The following OPA3 variants were observed in gnomAD, a reference collection of about 807,000 sequenced individuals.
OPA3 encodes optic atrophy 3 protein.
Under a neutral mutation model 4.0 loss-of-function variants are expected in OPA3, and 6 were observed. That is an observed-to-expected ratio of 1.51 (90% CI 0.83 to 2.99). The LOEUF is 2.99. OPA3 is among the 30% of genes most tolerant of loss of function. The probability of loss-of-function intolerance (pLI) is 0.00; values close to 1 mark genes in which losing one functional copy is unlikely to be tolerated. For missense variants in OPA3, 235 were observed against 256.2 expected (o/e 0.92, Z 0.56); for synonymous variants, 105 against 117.1 (o/e 0.90, Z 0.67).
intron 1 of OPA3, among the ~76,000 whole-genome samples, chr19:45,580,001 C>CTTTTTTTTTTTTT (rs57357578): frequency 8.7e-6 from 1 of 114,884 alleles, no homozygotes; most frequent in Admixed American, 8.7e-5. Context: ...TTTTTTTTTT[C>CTTTTTTTTTTTTT]TTTTTTTTTT....
rs1186341968 is a variant in OPA3, at chr19:45,553,606, C to A, written c.448G>T (p.Glu150Ter). Residue 150 changes from glutamate (E) to a stop codon, truncating the protein, a stop_gained, in exon 2 of 2, where the codon GAG becomes TAG. Coordinates refer to ENST00000263275, the MANE Select transcript of OPA3 (RefSeq NM_025136.4). LOFTEE classifies it low-confidence loss of function (END_TRUNC). Reference protein sequence around the residue: ...VQAAPPQGALEELRTELQEVR... With the variant: ...VQAAPPQGAL ...TCTTGCAGCTCTGTGCGCAGTTCCTCCAGGGCGCCCTGTGGCGGCGCCGCC... is the reference window on the plus strand; with the variant it reads ...TCTTGCAGCTCTGTGCGCAGTTCCTACAGGGCGCCCTGTGGCGGCGCCGCC... 2 of 1,610,416 alleles carry A rather than the reference C, an allele frequency of 1.2e-6. No homozygotes were observed. The highest frequency in any genetic ancestry group is 1.7e-6 in the Non-Finnish European group (2 of 1,179,278).
chr19:45,533,659 G>A (rs1020060361), intron 1 of OPA3, among the ~76,000 whole-genome samples: 1 of 152,178 alleles, frequency 6.6e-6, no homozygotes, highest in Non-Finnish European at 1.5e-5. Flanking sequence ...GCCAGGCCAG[G>A]CCAGGCCAAG....
downstream of OPA3, among the ~76,000 whole-genome samples, chr19:45,544,175 T>C (rs1969217642): frequency 1.3e-5 from 2 of 152,152 alleles, no homozygotes; most frequent in Non-Finnish European, 2.9e-5. Flanking sequence ...TCTGAGCCCA[T>C]GCCCTTCCCA....
downstream of OPA3, among the ~76,000 whole-genome samples, chr19:45,542,486 T>C (rs1969196253): frequency 6.6e-6 from 1 of 152,180 alleles, no homozygotes. Context: ...AGCATGTGAC[T>C]GTACTGAAAA....
In OPA3 at chr19:45,549,877, G is replaced by T; in HGVS notation, c.*3637C>A. 1 of 985,514 alleles carries T rather than the reference G, an allele frequency of 1.0e-6. No homozygotes were observed. 61.0% of individuals were successfully genotyped at this position (985,514 alleles called of 1,614,324 possible). A position where few individuals can be genotyped will look rare whatever the true frequency, so the allele number is the denominator to read the frequency against. On this transcript the variant is annotated 3_prime_UTR_variant, in exon 2 of 2. Coordinates refer to ENST00000263275, the MANE Select transcript of OPA3 (RefSeq NM_025136.4). ...AGAAGGAACTGAAATGCTGTTTCAG[G>T]CCAGGCGCGGTGGCTCACGCCTGTA...
At chr19:45,565,894 T>C (rs940958108) in intron 1 of OPA3, among the ~76,000 whole-genome samples, 1 of 152,112 alleles carries the variant, frequency 6.6e-6, no homozygotes, top group African/African-American at 2.4e-5. Flanking sequence ...AAGGCTGCAG[T>C]GAGCCATGAT....
rs1475831358 is a variant in OPA3, at chr19:45,548,409, G to C, written c.*5105C>G. 1.2e-5 allele frequency: 12 copies of C among 985,446 alleles called. No homozygotes were observed. The Admixed American group carries it at 6.1e-4, about 50-fold the overall frequency. The allele number at this position is 985,446 out of a possible 1,614,324, so 61.0% of individuals were successfully genotyped here. ...GCACAGCCCTCAGGGCACCTCCCAG[G>C]GTTTTGTGAGCTGGGATGAATGGGT... On this transcript the variant is annotated 3_prime_UTR_variant, in exon 2 of 2. Coordinates refer to ENST00000263275, the MANE Select transcript of OPA3 (RefSeq NM_025136.4).
At position 45,550,576 on chromosome 19, in the gene OPA3, T is replaced by G; in HGVS notation, c.*2938A>C. ...CTCTGCCCCTACTACTTCACCACCCTGGGCAGTCAGCCCCTCACTGGCTGT... is the reference window on the plus strand; with the variant it reads ...CTCTGCCCCTACTACTTCACCACCCGGGGCAGTCAGCCCCTCACTGGCTGT... On this transcript the variant is annotated 3_prime_UTR_variant, in exon 2 of 2. Coordinates refer to ENST00000263275, the MANE Select transcript of OPA3 (RefSeq NM_025136.4). The G allele has an allele frequency of 2.0e-6, 2 of 986,236 alleles. No individual in the cohort carries two copies. Among genetic ancestry groups the G allele is most frequent in the Non-Finnish European group, 1.2e-6 (1 of 830,514 alleles). The allele number at this position is 986,236 out of a possible 1,614,324, so 61.1% of individuals were successfully genotyped here. A position where few individuals can be genotyped will look rare whatever the true frequency, so the allele number is the denominator to read the frequency against.
chr19:45,566,891 G>A (rs557846099), intron 1 of OPA3, among the ~76,000 whole-genome samples: 44 of 152,080 alleles, frequency 2.9e-4, no homozygotes, highest in African/African-American at 1.0e-3. Flanking sequence ...TCCATATAAA[G>A]GCTTGTACAC....
chr19:45,558,890 CT>C (rs528453435), intron 1 of OPA3, among the ~76,000 whole-genome samples: 27 of 146,180 alleles, frequency 1.8e-4, no homozygotes, highest in African/African-American at 2.3e-4. Flanking sequence ...GACTTTGGTG[CT>C]TTTTTTTTTG....
intron 1 of OPA3, among the ~76,000 whole-genome samples, chr19:45,567,095 T>A (rs1370555959): frequency 2.6e-5 from 4 of 151,962 alleles, no homozygotes; most frequent in African/African-American, 9.7e-5. Context: ...ACCCCAGCAC[T>A]TTGGGAGGCC....
Position 45,566,932 on chromosome 19 carries a change from C to T in OPA3, c.143-13021G>A, listed in dbSNP as rs144516497. ...TTCATAGCACCTTTACTTGCAATAACTTGGAAACAACCCAAATGCCCATCA... is the reference window on the plus strand; with the variant it reads ...TTCATAGCACCTTTACTTGCAATAATTTGGAAACAACCCAAATGCCCATCA... On this transcript the variant is annotated intron_variant, in intron 1 of 1. Coordinates refer to ENST00000263275, the MANE Select transcript of OPA3 (RefSeq NM_025136.4). 9.2e-5 allele frequency among the ~76,000 whole-genome samples: 14 copies of T among 152,236 alleles called. 1 individual carries two copies. Among genetic ancestry groups the T allele is most frequent in the African/African-American group, 3.4e-4 (14 of 41,560 alleles).
chr19:45,570,115 T>C (rs559188600), intron 1 of OPA3, among the ~76,000 whole-genome samples: 1 of 152,248 alleles, frequency 6.6e-6, no homozygotes, highest in African/African-American at 2.4e-5. Flanking sequence ...GGCATATTGC[T>C]TGCAGCCAGC....
Position 45,584,657 on chromosome 19 carries a change from G to T in OPA3, c.108C>A (p.Phe36Leu). ...GCGGGAGGCAGATATAGGTCTTGAA[G>T]AACTCGCTTCGGCGGGCGGCCTCCT... ...RIKEAARRSE[F>L]FKTYICLPPA... The change falls in exon 1 of 2, where the codon TTC (phenylalanine) becomes TTA (leucine). Residue 36 changes from phenylalanine (F) to leucine (L), a missense_variant. By Grantham distance (22) the Phe-to-Leu change is conservative. Coordinates refer to ENST00000263275, the MANE Select transcript of OPA3 (RefSeq NM_025136.4). The T allele has an allele frequency of 1.2e-6, 2 of 1,614,220 alleles. No individual in the cohort carries two copies. Among genetic ancestry groups the T allele is most frequent in the South Asian group, 2.2e-5 (2 of 91,086 alleles).
At chr19:45,568,759 C>G (rs759718615) in intron 1 of OPA3, among the ~76,000 whole-genome samples, 4 of 152,108 alleles carry the variant, frequency 2.6e-5, no homozygotes, top group Non-Finnish European at 4.4e-5. Flanking sequence ...CCAATTAGGG[C>G]ACTGCTTTCC....
At chr19:45,532,617 G>A (rs554147563) in intron 1 of OPA3, among the ~76,000 whole-genome samples, 1 of 151,978 alleles carries the variant, frequency 6.6e-6, no homozygotes, top group East Asian at 1.9e-4. Context: ...TACACCACTG[G>A]GAGGTTTTGT....
In OPA3 at chr19:45,553,627, CCGCCTGCACCTG is replaced by C; in HGVS notation, c.415_426del (p.Gln139_Ala142del). 6.2e-7 allele frequency: 1 copy of C among 1,606,756 alleles called. No individual in the cohort carries two copies. The highest frequency in any genetic ancestry group is 1.1e-5 in the South Asian group (1 of 90,958). On this transcript the variant is annotated inframe_deletion, in exon 2 of 2. Transcript: ENST00000263275. ...TCCTCCAGGGCGCCCTGTGGCGGCG[CCGCCTGCACCTG>C]CGCCTGCAGCGCTTCCAGCGCCAGC...
At chr19:45,564,965 G>A (rs1190904712) in intron 1 of OPA3, among the ~76,000 whole-genome samples, 2 of 152,048 alleles carry the variant, frequency 1.3e-5, no homozygotes, top group African/African-American at 2.4e-5. Context: ...GGTGGCTCAC[G>A]CCTGTAATCC....
chr19:45,562,559 C>G (rs761245468), intron 1 of OPA3, among the ~76,000 whole-genome samples: 7 of 151,476 alleles, frequency 4.6e-5, no homozygotes, highest in Non-Finnish European at 1.0e-4. Context: ...TGTGATGGCG[C>G]ACGCCTGTAA....
Sources: allele counts gnomAD v4.1 joint callset (sites outside exome capture counted in the v4.1 genomes callset), GRCh38; gene constraint gnomAD v4.1.1; transcripts MANE v1.5; gene names NCBI Gene and HGNC (gene_info 2026-07-23, HGNC 2026-07-21).